Variants in FAT4 observed in about 807,000 individuals in gnomAD.
FAT4 encodes FAT atypical cadherin 4, also known as protocadherin Fat 4.
FAT4 carries 84 observed loss-of-function variants against 303.9 expected under a neutral mutation model. The ratio of observed to expected loss-of-function variants is 0.28; its 90% CI spans 0.23 to 0.33. The LOEUF (loss-of-function observed/expected upper bound fraction) is 0.33. Among genes scored for constraint, FAT4 ranks in the 10% least tolerant of loss-of-function variants. The pLI is 1.00. For synonymous variants in FAT4, 2,307 were observed against 2,298.8 expected (o/e 1.00, Z -0.10); for missense variants, 6,005 against 6,146.8 (o/e 0.98, Z 0.77).
chr4:125,415,725 C>T lies in FAT4; in HGVS notation c.6762C>T (p.Asp2254=). Residue 2254 remains aspartate, a synonymous_variant, in exon 6 of 18, where the codon GAC becomes GAT. Transcript: ENST00000394329. ...TVSIVLLDIN[D]FVPVFELSPY... ...GCATTGTTCTACTGGATATTAATGACTTTGTTCCTGTATTTGAGCTATCTC... is the reference window on the plus strand; with the variant it reads ...GCATTGTTCTACTGGATATTAATGATTTTGTTCCTGTATTTGAGCTATCTC... The T allele has an allele frequency of 1.2e-6, 2 of 1,613,948 alleles. No individual in the cohort carries two copies. The highest frequency in any genetic ancestry group is 1.7e-6 in the Non-Finnish European group (2 of 1,179,896).
At chr4:125,362,972 T>A (rs958619218) in intron 2 of FAT4, 1 of 152,088 alleles carries the variant, frequency 6.6e-6, no homozygotes, top group Non-Finnish European at 1.5e-5. Flanking sequence ...AAGACAGTCT[T>A]TTCCTAGCTT....
chr4:125,450,895 A>G lies in FAT4; in HGVS notation c.9885A>G (p.Glu3295=), dbSNP rs781151040. The G allele has an allele frequency of 6.2e-7, 1 of 1,614,162 alleles. No individual in the cohort carries two copies. Among genetic ancestry groups the G allele is most frequent in the South Asian group, 1.1e-5 (1 of 91,088 alleles). The change falls in exon 10 of 18, where the codon GAA becomes GAG. Residue 3295 remains glutamate, a synonymous_variant. Coordinates refer to ENST00000394329, the MANE Select transcript of FAT4 (RefSeq NM_001291303.3). ...TVNIQLKGTN[E]YVPRFVSKLY... is the part of the protein sequence containing the mutation. ...ATATACAATTAAAAGGGACAAATGA[A>G]TATGTGCCCCGTTTTGTTTCCAAAC...
At chr4:125,464,573 G>A (rs1726594723) in intron 11 of FAT4, among the ~76,000 whole-genome samples, 1 of 151,780 alleles carries the variant, frequency 6.6e-6, no homozygotes. Context: ...CAACGTGCAG[G>A]TTTGTTACAT....
Position 125,321,541 on chromosome 4 carries a change from T to C in FAT4, c.5130T>C (p.Tyr1710=), listed in dbSNP as rs1730952502. The C allele has an allele frequency of 6.2e-7, 1 of 1,612,692 alleles. No individual in the cohort carries two copies. The highest frequency in any genetic ancestry group is 1.3e-5 in the African/African-American group (1 of 74,850). The change falls in exon 2 of 18, where the codon TAT becomes TAC. Residue 1710 remains tyrosine (Y), a synonymous_variant. Coordinates refer to ENST00000394329, the MANE Select transcript of FAT4 (RefSeq NM_001291303.3). ...CATGTCTTTACCTGGTGGATGTTTA[T>C]GCCATAGAAAAATCAACTGCTTTTC... ...QGACLYLVDV[Y]AIEKSTAFPR...
At chr4:125,368,596 GA>G (rs1336047940) in intron 2 of FAT4, among the ~76,000 whole-genome samples, 1 of 149,530 alleles carries the variant, frequency 6.7e-6, no homozygotes, top group Non-Finnish European at 1.5e-5. Flanking sequence ...AGACTTTCCT[GA>G]TTCTGAAACT....
At position 125,451,288 on chromosome 4, in the gene FAT4, C is replaced by G; in HGVS notation, c.10278C>G (p.Thr3426=). The change falls in exon 10 of 18, where the codon ACC becomes ACG. Residue 3426 remains threonine, a synonymous_variant. Transcript: ENST00000394329. The part of the protein sequence containing the change: ...SEGVPIGTHV[T]FVSAFDSDSI... ...GGGTCCCAATAGGAACTCATGTGAC[C>G]TTTGTCAGTGCCTTTGACTCAGACT... 1.2e-6 allele frequency: 2 copies of G among 1,614,086 alleles called. No homozygotes were observed. Among genetic ancestry groups the G allele is most frequent in the Non-Finnish European group, 1.7e-6 (2 of 1,180,006 alleles).
intron 3 of FAT4, 96 bp from the exon 4 acceptor site, chr4:125,406,771 GAACTTAAAGCCAA>G (rs1734628118): frequency 1.7e-6 from 2 of 1,207,734 alleles, no homozygotes; most frequent in African/African-American, 3.1e-5. Context: ...AATATCATAT[GAACTTAAAGCCAA>G]AAAGCCTTCC....
chr4:125,360,054 C>T (rs1464113861), intron 2 of FAT4, among the ~76,000 whole-genome samples: 1 of 152,152 alleles, frequency 6.6e-6, no homozygotes, highest in Non-Finnish European at 1.5e-5. Context: ...TCCTCTCCCT[C>T]CTGCCATTGC....
chr4:125,466,909 T>G (rs1726682843), intron 11 of FAT4, among the ~76,000 whole-genome samples: 2 of 151,742 alleles, frequency 1.3e-5, no homozygotes, highest in African/African-American at 4.8e-5. Context: ...CGAGTAGCTG[T>G]GACTGCAGGT....
intron 11 of FAT4, among the ~76,000 whole-genome samples, chr4:125,464,984 G>A (rs6841437): frequency 0.021 from 3,264 of 152,150 alleles, 127 homozygotes; most frequent in African/African-American, 0.076. Flanking sequence ...AATTTACTAG[G>A]TATTTTTAAT....
At position 125,318,326 on chromosome 4, in the gene FAT4, G is replaced by A. The variant is rs963169171; in HGVS notation, c.1915G>A (p.Gly639Arg). 1.2e-6 allele frequency: 2 copies of A among 1,614,200 alleles called. No homozygotes were observed. The highest frequency in any genetic ancestry group is 1.7e-6 in the Non-Finnish European group (2 of 1,180,036). ...GTCCTTCCGTCTGGATCCTGTGTCT[G>A]GGAGGTTGAGTACTATTTCCTCCTT... ...RRSFRLDPVS[G>R]RLSTISSLDR... Residue 639 changes from glycine to arginine, a missense_variant, in exon 2 of 18, where the codon GGG becomes AGG. Physicochemically the swap from Gly to Arg is moderately radical, Grantham distance 125. Coordinates refer to ENST00000394329, the MANE Select transcript of FAT4 (RefSeq NM_001291303.3).
intron 2 of FAT4, among the ~76,000 whole-genome samples, chr4:125,385,437 T>A (rs1176471321): frequency 6.6e-6 from 1 of 152,226 alleles, no homozygotes; most frequent in Non-Finnish European, 1.5e-5. Flanking sequence ...AGTAGTTAAT[T>A]GCCTTATTTT....
intron 2 of FAT4, among the ~76,000 whole-genome samples, chr4:125,371,635 G>A (rs981740995): frequency 6.6e-6 from 1 of 151,728 alleles, no homozygotes; most frequent in Admixed American, 6.6e-5. Context: ...GTGAATATAG[G>A]AGGGGATAAG....
rs191934800 is a variant in FAT4, at chr4:125,435,757, C to T, written c.7199+1332C>T. Among the ~76,000 whole-genome samples, 16 of 152,090 alleles carry T rather than the reference C, an allele frequency of 1.1e-4. 1 individual carries two copies. Among genetic ancestry groups the T allele is most frequent in the South Asian group, 1.0e-3 (5 of 4,828 alleles). ...GGCCATATACAGGCCATATATGTCA[C>T]GATACAGAATTGGGGTTTTCCAATT... On this transcript the variant is annotated intron_variant, in intron 8 of 17. Transcript: ENST00000394329.
chr4:125,440,077 A>C (rs1176878054), intron 8 of FAT4, among the ~76,000 whole-genome samples: 1 of 151,910 alleles, frequency 6.6e-6, no homozygotes, highest in East Asian at 1.9e-4. Context: ...TTTTCTTTTT[A>C]TTCTTCTCAT....
chr4:125,356,801 GAT>G lies in FAT4; in HGVS notation c.5175+35218_5175+35219del, dbSNP rs1005580899. On this transcript the variant is annotated intron_variant, in intron 2 of 17. Transcript: ENST00000394329. Reference sequence around the variant, plus strand: ...ATAGTATATATTATAATAAATATAAGATATGATAATATAACAGATAATATAAT... The same window carrying G: ...ATAGTATATATTATAATAAATATAAGATGATAATATAACAGATAATATAAT... 2.2e-4 allele frequency among the ~76,000 whole-genome samples: 33 copies of G among 149,164 alleles called. No homozygotes were observed. The East Asian group carries it at 5.5e-3, about 25-fold the overall frequency.
At chr4:125,324,806 A>G (rs1039262520) in intron 2 of FAT4, among the ~76,000 whole-genome samples, 32 of 152,124 alleles carry the variant, frequency 2.1e-4, no homozygotes, top group Admixed American at 6.6e-5. Context: ...GATATTTACC[A>G]CTTTTAACAG....
rs752696317 is a variant in FAT4, at chr4:125,449,800, C to T, written c.8790C>T (p.Phe2930=). The T allele has an allele frequency of 1.2e-6, 2 of 1,613,708 alleles. No homozygotes were observed. Among genetic ancestry groups the T allele is most frequent in the Non-Finnish European group, 1.7e-6 (2 of 1,179,878 alleles). The change falls in exon 10 of 18, where the codon TTC becomes TTT. Residue 2930 remains phenylalanine (F), a synonymous_variant. Coordinates refer to ENST00000394329, the MANE Select transcript of FAT4 (RefSeq NM_001291303.3). ...FRINATTGEI[F]NKQILKYQNV... ...TTAATGCCACCACTGGAGAGATTTT[C>T]AATAAACAGATCTTAAAATACCAAA...
chr4:125,468,393 G>T, intron 11 of FAT4, 119 bp from the exon 12 acceptor site: 1 of 656,882 alleles, frequency 1.5e-6, no homozygotes. Flanking sequence ...AAATTTTTTG[G>T]AAAGTAAAAA....
Sources: allele counts gnomAD v4.1 joint callset (sites outside exome capture counted in the v4.1 genomes callset), GRCh38; gene constraint gnomAD v4.1.1; transcripts MANE v1.5; gene names NCBI Gene and HGNC (gene_info 2026-07-23, HGNC 2026-07-21).